The following TPRG1 variants were observed in gnomAD, a reference collection of about 807,000 sequenced individuals.
TPRG1 encodes tumor protein p63-regulated gene 1 protein.
A neutral mutation model predicts 29.3 loss-of-function variants in TPRG1; 29 were observed. The observed-to-expected ratio is 0.99, with a 90% CI of 0.74 to 1.35. The LOEUF is 1.35. TPRG1 is among the 40% of genes most tolerant of loss of function. The probability of loss-of-function intolerance (pLI) is 0.00; values close to 1 mark genes in which losing one functional copy is unlikely to be tolerated. For synonymous variants in TPRG1, 130 were observed against 116.8 expected, an observed-to-expected ratio of 1.11 and a Z score of -0.73; for missense variants, 327 against 335.0, an observed-to-expected ratio of 0.98 and a Z score of 0.19.
chr3:189,248,938 ACTTT>A (rs892272651), intron 4 of TPRG1, among the ~76,000 whole-genome samples: 20 of 151,238 alleles, frequency 1.3e-4, no homozygotes, highest in Non-Finnish European at 2.2e-4. Flanking sequence ...CTATTATACT[ACTTT>A]CTTTCTTTTT....
intron 4 of TPRG1, among the ~76,000 whole-genome samples, chr3:189,040,749 T>C (rs1462795766): frequency 6.6e-6 from 1 of 152,190 alleles, no homozygotes; most frequent in Non-Finnish European, 1.5e-5. Flanking sequence ...AAAGAAACGA[T>C]GGGTAAAACA....
chr3:188,999,951 T>C (rs1419186210), intron 1 of TPRG1, among the ~76,000 whole-genome samples: 1 of 152,178 alleles, frequency 6.6e-6, no homozygotes, highest in African/African-American at 2.4e-5. Flanking sequence ...TTTAAGAGTT[T>C]TGATACATAT....
intron 4 of TPRG1, among the ~76,000 whole-genome samples, chr3:189,259,744 A>G (rs1373063552): frequency 6.6e-6 from 1 of 152,114 alleles, no homozygotes; most frequent in Non-Finnish European, 1.5e-5. Flanking sequence ...TGCTGGGATT[A>G]TAGGTGCAAA....
chr3:189,079,251 A>G (rs1184053643), intron 4 of TPRG1, among the ~76,000 whole-genome samples: 3 of 152,136 alleles, frequency 2.0e-5, no homozygotes, highest in African/African-American at 7.2e-5. Flanking sequence ...TTCATGAGGG[A>G]TCTGCCCACA....
chr3:189,262,614 G>A (rs1289113494), intron 4 of TPRG1, among the ~76,000 whole-genome samples: 1 of 152,170 alleles, frequency 6.6e-6, no homozygotes, highest in Admixed American at 6.5e-5. Context: ...AAAGTGGAAA[G>A]CACTTTGAAG....
intron 4 of TPRG1, among the ~76,000 whole-genome samples, chr3:189,294,802 T>TC (rs577519611): frequency 1.5e-5 from 2 of 131,446 alleles, no homozygotes; most frequent in South Asian, 2.3e-4. Context: ...ACCCTTACAG[T>TC]TACACACACA....
In TPRG1 at chr3:189,139,076, C is replaced by T. The variant is rs553417116; in HGVS notation, c.-291+6379C>T. On this transcript the variant is annotated intron_variant, in intron 3 of 6. Coordinates refer to the TPRG1 transcript ENST00000412373. Reference sequence around the variant, plus strand: ...CCAGCCAAGTAGACAACTTACAGCCCCAACATTTAGAAAGCACCATGTGGT... The same window carrying T: ...CCAGCCAAGTAGACAACTTACAGCCTCAACATTTAGAAAGCACCATGTGGT... Among the ~76,000 whole-genome samples the T allele has an allele frequency of 2.0e-5, 3 of 152,144 alleles. No homozygotes were observed. The South Asian group carries it at 6.2e-4, about 32-fold the overall frequency.
intron 3 of TPRG1, among the ~76,000 whole-genome samples, chr3:189,226,670 A>C (rs1737763315): frequency 6.6e-6 from 1 of 150,992 alleles, no homozygotes; most frequent in Non-Finnish European, 1.5e-5. Flanking sequence ...TAAATAACTT[A>C]GATAAGAATA....
intron 4 of TPRG1, among the ~76,000 whole-genome samples, chr3:189,024,882 C>T (rs1713573198): frequency 6.6e-6 from 1 of 152,182 alleles, no homozygotes; most frequent in Admixed American, 6.5e-5. Context: ...CAAAGGCTGG[C>T]TGAGTTGTCC....
rs1413136052 is a variant in TPRG1 at position 189,322,520 on chromosome 3, C to G, written c.*1700C>G. 1 of 152,436 alleles carries G rather than the reference C, an allele frequency of 6.6e-6. No homozygotes were observed. The highest frequency in any genetic ancestry group is 1.9e-4 in the East Asian group (1 of 5,190). The allele number at this position is 152,436 out of a possible 1,614,324, so 9.4% of individuals were successfully genotyped here. A position where few individuals can be genotyped will look rare whatever the true frequency, so the allele number is the denominator to read the frequency against. On this transcript the variant is annotated 3_prime_UTR_variant, in exon 6 of 6. Coordinates refer to ENST00000345063, the MANE Select transcript of TPRG1 (RefSeq NM_198485.4). ...TTGAAATCCATAGCTGTCCTGTCAA[C>G]AGTAGTGGAATGAAAAGTCGTTGGA... is the stretch of plus-strand genomic sequence containing the variant.
chr3:189,179,885 C>A (rs1729983257), intron 1 of TPRG1, among the ~76,000 whole-genome samples: 1 of 152,120 alleles, frequency 6.6e-6, no homozygotes, highest in East Asian at 1.9e-4. Context: ...AATCTACAAC[C>A]ATATTAGTCC....
intron 3 of TPRG1, among the ~76,000 whole-genome samples, chr3:189,143,949 T>G (rs1184573603): frequency 1.3e-5 from 2 of 152,142 alleles, no homozygotes; most frequent in African/African-American, 4.8e-5. Context: ...CCCCAGACAC[T>G]TTGCTTTCCT....
chr3:189,087,501 T>A (rs1718032423), intron 4 of TPRG1, among the ~76,000 whole-genome samples: 1 of 152,240 alleles, frequency 6.6e-6, no homozygotes, highest in Non-Finnish European at 1.5e-5. Context: ...GCAGAAGCTC[T>A]TTAGTTTAAT....
Position 189,305,477 on chromosome 3 carries a change from C to T in TPRG1, c.480-4909C>T, listed in dbSNP as rs142957142. On this transcript the variant is annotated intron_variant, in intron 4 of 5. Coordinates refer to ENST00000345063, the MANE Select transcript of TPRG1 (RefSeq NM_198485.4). ...TGTTTTTCATGACTGTGTGCTTTGCCACTAGTATGAGCAGTTTCTACTGTA... is the reference window on the plus strand; with the variant it reads ...TGTTTTTCATGACTGTGTGCTTTGCTACTAGTATGAGCAGTTTCTACTGTA... 5.3e-5 allele frequency among the ~76,000 whole-genome samples: 8 copies of T among 152,264 alleles called. No homozygotes were observed. The East Asian group carries it at 1.4e-3, about 26-fold the overall frequency.
chr3:189,091,148 A>T (rs922014941), intron 4 of TPRG1, among the ~76,000 whole-genome samples: 1 of 152,060 alleles, frequency 6.6e-6, no homozygotes, highest in Non-Finnish European at 1.5e-5. Flanking sequence ...AAGAGTGTGT[A>T]TGAAATAAAT....
chr3:189,141,261 C>T (rs9809493), intron 3 of TPRG1, among the ~76,000 whole-genome samples: 8,811 of 152,172 alleles, frequency 0.058, 818 homozygotes, highest in African/African-American at 0.2. Context: ...CACACACAGA[C>T]GGTGCACTGT....
chr3:189,115,178 A>G (rs1721024275), intron 1 of TPRG1, among the ~76,000 whole-genome samples: 2 of 152,336 alleles, frequency 1.3e-5, no homozygotes, highest in East Asian at 1.9e-4. Flanking sequence ...GGAAGAAGGC[A>G]TTTTCTATGT....
intron 4 of TPRG1, among the ~76,000 whole-genome samples, chr3:189,302,103 A>G (rs1720930332): frequency 6.6e-6 from 1 of 152,196 alleles, no homozygotes; most frequent in Non-Finnish European, 1.5e-5. Flanking sequence ...TCCTGTCTTC[A>G]AAGTACTTAA....
chr3:189,117,926 T>G (rs1578412482), intron 1 of TPRG1, among the ~76,000 whole-genome samples: 1 of 152,042 alleles, frequency 6.6e-6, no homozygotes, highest in East Asian at 1.9e-4. Context: ...GCTAGTGGGG[T>G]GCTGCTGTAA....
Sources: gnomAD v4.1 joint callset for allele counts (sites outside exome capture counted in the v4.1 genomes callset) on GRCh38, gnomAD v4.1.1 for gene constraint, MANE v1.5 for transcripts, NCBI Gene and HGNC (gene_info 2026-07-23, HGNC 2026-07-21) for gene names.